TNFSF10: variants seen among roughly 807,000 people sequenced by gnomAD.
TNFSF10 encodes the protein TNF superfamily member 10.
TNFSF10 carries 13 observed loss-of-function variants against 29.5 expected under a neutral mutation model. The ratio of observed to expected loss-of-function variants is 0.44; its 90% confidence interval spans 0.29 to 0.70. TNFSF10 has a LOEUF of 0.70. TNFSF10 is among the 30% of genes least tolerant of loss of function. The pLI is 0.13. For missense variants in TNFSF10, 345 were observed against 330.9 expected, an observed-to-expected ratio of 1.04 and a Z score of -0.33; for synonymous variants, 111 against 112.8, an observed-to-expected ratio of 0.98 and a Z score of 0.10.
At position 172,523,365 on chromosome 3, in the gene TNFSF10, T is replaced by A; in HGVS notation, c.20A>T (p.Gln7Leu). ...GGTCTGTCCCAGGCTGGGTCCCCCC[T>A]GGACCTCCATCATAGCCATGATCCT... Reference protein sequence around the residue: MAMMEVQGGPSLGQTCV... With the variant: MAMMEVLGGPSLGQTCV... Residue 7 changes from glutamine to leucine, a missense_variant, in exon 1 of 5, where the codon CAG (glutamine) becomes CTG (leucine). Coordinates refer to ENST00000241261, the MANE Select transcript of TNFSF10 (RefSeq NM_003810.4). 6.2e-7 allele frequency: 1 copy of A among 1,613,806 alleles called. No individual in the cohort carries two copies. The highest frequency in any genetic ancestry group is 1.1e-5 in the South Asian group (1 of 91,078).
At chr3:172,510,847 G>A (rs1160004602) in intron 3 of TNFSF10, among the ~76,000 whole-genome samples, 1 of 152,106 alleles carries the variant, frequency 6.6e-6, no homozygotes, top group Admixed American at 6.5e-5. Flanking sequence ...GGGGTGCCAA[G>A]TGATGAAGAA....
chr3:172,522,452 C>T (rs1713740142), intron 1 of TNFSF10: 1 of 1,457,682 alleles, frequency 6.9e-7, no homozygotes, highest in African/African-American at 1.4e-5. Flanking sequence ...TTTTATCATT[C>T]ACCACTTAAT....
chr3:172,518,486 C>A, intron 1 of TNFSF10: 1 of 1,286,628 alleles, frequency 7.8e-7, no homozygotes, highest in South Asian at 1.2e-5. Flanking sequence ...CATAAAGGAT[C>A]ATTTATGGAG....
intron 3 of TNFSF10, among the ~76,000 whole-genome samples, chr3:172,511,129 G>C (rs1484824651): frequency 6.6e-6 from 1 of 152,190 alleles, no homozygotes; most frequent in Non-Finnish European, 1.5e-5. Context: ...TGTGGCCACA[G>C]GTGGAGACCG....
intron 3 of TNFSF10, among the ~76,000 whole-genome samples, chr3:172,510,309 A>T (rs899831525): frequency 2.0e-5 from 3 of 152,178 alleles, no homozygotes; most frequent in Non-Finnish European, 4.4e-5. Context: ...TAGAAAAATC[A>T]GCCAGGCGTG....
In TNFSF10 at chr3:172,505,900, T is replaced by C. The variant is rs1131568; in HGVS notation, c.*592A>G. 0.7 allele frequency: 105,752 copies of C among 152,040 alleles called. 37,182 individuals carry two copies. Among genetic ancestry groups the C allele is most frequent in the Middle Eastern group, 0.79 (233 of 296 alleles). The allele number at this position is 152,040 out of a possible 1,614,324, so 9.4% of individuals were successfully genotyped here. On this transcript the variant is annotated 3_prime_UTR_variant, in exon 5 of 5. Transcript: ENST00000241261. ...TGCCAACACACCCAGCTAATTTTTG[T>C]ACTTTCAGTAGAGATGGGGTTTCAC...
rs1044686546 is a variant in TNFSF10 at position 172,523,223 on chromosome 3, C to G, written c.132+30G>C. ...GTAACCAGACATTTGCTAAGCGCCTCGAAGACTGAGTGCACTGCACTGCAC... is the reference window on the plus strand; with the variant it reads ...GTAACCAGACATTTGCTAAGCGCCTGGAAGACTGAGTGCACTGCACTGCAC... On this transcript the variant is annotated intron_variant, in intron 1 of 4. Coordinates refer to ENST00000241261, the MANE Select transcript of TNFSF10 (RefSeq NM_003810.4). The G allele has an allele frequency of 8.3e-6, 13 of 1,561,496 alleles. No individual in the cohort carries two copies. In the African/African-American group the frequency reaches 1.4e-4, roughly 16 times the overall value.
At chr3:172,519,833 T>A (rs1452284815) in intron 1 of TNFSF10, among the ~76,000 whole-genome samples, 1 of 152,256 alleles carries the variant, frequency 6.6e-6, no homozygotes, top group Non-Finnish European at 1.5e-5. Context: ...TATACTTTTC[T>A]GAGATCCTTA....
intron 1 of TNFSF10, chr3:172,522,209 A>T (rs1274784457): frequency 3.4e-5 from 15 of 435,654 alleles, no homozygotes; most frequent in Non-Finnish European, 6.0e-5. Flanking sequence ...AAAGTAAAAT[A>T]AAAAAATTTA....
At chr3:172,513,912 C>T (rs1468522437) in intron 2 of TNFSF10, among the ~76,000 whole-genome samples, 1 of 151,392 alleles carries the variant, frequency 6.6e-6, no homozygotes, top group African/African-American at 2.4e-5. Flanking sequence ...GATCTCAGCT[C>T]ACTGCAACTT....
chr3:172,521,274 G>A (rs143834688), intron 1 of TNFSF10, among the ~76,000 whole-genome samples: 2,381 of 152,190 alleles, frequency 0.016, 59 homozygotes, highest in African/African-American at 0.053. Context: ...CCTACAGAAT[G>A]GGAGAAAATT....
At chr3:172,517,222 G>A (rs1250833126) in intron 1 of TNFSF10, 9 of 611,018 alleles carry the variant, frequency 1.5e-5, no homozygotes, top group Non-Finnish European at 1.6e-5. Flanking sequence ...TATCAACTGA[G>A]GTGGAGTTTG....
intron 4 of TNFSF10, among the ~76,000 whole-genome samples, chr3:172,508,295 C>CA (rs1224695353): frequency 4.2e-5 from 3 of 70,942 alleles, no homozygotes; most frequent in African/African-American, 6.8e-5. Context: ...AACTCCGTCT[C>CA]AAAAAAACAA....
At chr3:172,514,840 T>C in intron 2 of TNFSF10, 21 bp downstream of exon 2, 1 of 1,612,836 alleles carries the variant, frequency 6.2e-7, no homozygotes, top group Non-Finnish European at 8.5e-7. Flanking sequence ...GCTGGTGAGG[T>C]CACCTGGTGA....
At chr3:172,516,157 G>A (rs987055109) in intron 1 of TNFSF10, among the ~76,000 whole-genome samples, 5 of 152,036 alleles carry the variant, frequency 3.3e-5, no homozygotes, top group Non-Finnish European at 7.4e-5. Flanking sequence ...CCAGCTATTT[G>A]GGAGGCTGAG....
At chr3:172,521,976 T>C (rs1162979609) in intron 1 of TNFSF10, among the ~76,000 whole-genome samples, 4 of 151,776 alleles carry the variant, frequency 2.6e-5, no homozygotes, top group Non-Finnish European at 5.9e-5. Flanking sequence ...TTCTCACTCA[T>C]AAGTGGGAGT....
chr3:172,509,345 C>A, intron 3 of TNFSF10, 24 bp from the exon 4 acceptor site: 1 of 1,594,808 alleles, frequency 6.3e-7, no homozygotes, highest in South Asian at 1.1e-5. Context: ...GATAAAGGGT[C>A]ATCAACACTT....
At chr3:172,512,837 C>T (rs1242706557) in intron 2 of TNFSF10, among the ~76,000 whole-genome samples, 2 of 152,222 alleles carry the variant, frequency 1.3e-5, no homozygotes, top group Non-Finnish European at 2.9e-5. Context: ...AGATGCCCTG[C>T]ATTCAAATGT....
Position 172,506,640 on chromosome 3 carries a change from T to G in TNFSF10, c.698A>C (p.Lys233Thr), listed in dbSNP as rs1712995571. The stretch of plus-strand genomic sequence containing the variant: ...GGAATAGAGTCCATATTCTGCATCT[T>G]TAGACCAACAACTATTTCTAGCACT... ...MKSARNSCWS[K>T]DAEYGLYSIY... Residue 233 changes from lysine to threonine, a missense_variant, in exon 5 of 5, where the codon AAA becomes ACA. Coordinates refer to ENST00000241261, the MANE Select transcript of TNFSF10 (RefSeq NM_003810.4). 6.2e-7 allele frequency: 1 copy of G among 1,614,220 alleles called. No homozygotes were observed. Among genetic ancestry groups the G allele is most frequent in the African/African-American group, 1.3e-5 (1 of 75,072 alleles).
Sources: allele counts gnomAD v4.1 joint callset (sites outside exome capture counted in the v4.1 genomes callset), GRCh38; gene constraint gnomAD v4.1.1; transcripts MANE v1.5; gene names NCBI Gene and HGNC (gene_info 2026-07-23, HGNC 2026-07-21).